The following WDFY4 variants were observed in gnomAD, a reference collection of about 807,000 sequenced individuals.
WDFY4 encodes the protein WDFY family member 4.
WDFY4 carries 169 observed loss-of-function variants against 351.9 expected under a neutral mutation model. The ratio of observed to expected loss-of-function variants is 0.48; its 90% confidence interval spans 0.42 to 0.55. The LOEUF (loss-of-function observed/expected upper bound fraction) is 0.55. WDFY4 is among the 20% of genes least tolerant of loss of function. WDFY4 has a pLI of 0.00. For synonymous variants in WDFY4, 1,622 were observed against 1,574.6 expected (o/e 1.03, Z -0.71); for missense variants, 3,803 against 3,935.6 (o/e 0.97, Z 0.90).
intron 5 of WDFY4, among the ~76,000 whole-genome samples, chr10:48,725,156 A>C (rs1180148709): frequency 1.3e-5 from 2 of 152,044 alleles, no homozygotes; most frequent in East Asian, 3.8e-4. Context: ...TGGGACCTAC[A>C]GCTGTGGTCC....
chr10:48,803,212 AC>A, intron 24 of WDFY4, 73 bp from the exon 25 acceptor site: 1 of 1,440,018 alleles, frequency 6.9e-7, no homozygotes, highest in African/African-American at 1.4e-5. Flanking sequence ...TCCAGCACTG[AC>A]CTTCTCATGC....
chr10:48,934,729 G>A (rs570695796), intron 47 of WDFY4, among the ~76,000 whole-genome samples: 68 of 152,308 alleles, frequency 4.5e-4, no homozygotes, highest in South Asian at 2.5e-3. Context: ...CCTCCTGAAC[G>A]AAGAAGCAGT....
intron 23 of WDFY4, among the ~76,000 whole-genome samples, chr10:48,793,002 G>A (rs554349360): frequency 1.3e-5 from 2 of 152,332 alleles, no homozygotes; most frequent in South Asian, 4.1e-4. Context: ...GTCAAAAAGG[G>A]TTTTGTTAAA....
intron 1 of WDFY4, among the ~76,000 whole-genome samples, chr10:48,685,863 G>GGACAGGGGTC (rs945177173): frequency 6.6e-6 from 1 of 151,986 alleles, no homozygotes; most frequent in African/African-American, 2.4e-5. Context: ...TGGTCAAAGC[G>GGACAGGGGTC]GACAGGGGTC....
chr10:48,790,901 A>C lies in WDFY4; in HGVS notation c.4241A>C (p.His1414Pro), dbSNP rs1320338079. Reference sequence around the variant, plus strand: ...GCCATGTGTGACTTCCTGATGCAACACATCTGTGGGTACCAGGTAATCCCA... The same window carrying C: ...GCCATGTGTGACTTCCTGATGCAACCCATCTGTGGGTACCAGGTAATCCCA... ...SNAMCDFLMQ[H>P]ICGYQIMAFL... is the part of the protein sequence containing the mutation. The change falls in exon 23 of 62, where the codon CAC becomes CCC. Residue 1414 changes from histidine (H) to proline (P), a missense_variant. Physicochemically the swap from His to Pro is moderately conservative, Grantham distance 77. Coordinates refer to ENST00000325239, the MANE Select transcript of WDFY4 (RefSeq NM_001394531.1). 3.2e-6 allele frequency: 5 copies of C among 1,551,692 alleles called. No individual in the cohort carries two copies. In the South Asian group the frequency reaches 5.9e-5, roughly 18 times the overall value.
intron 1 of WDFY4, among the ~76,000 whole-genome samples, chr10:48,706,944 A>G (rs1229435598): frequency 2.6e-5 from 4 of 152,220 alleles, no homozygotes; most frequent in African/African-American, 9.6e-5. Context: ...TGTGGAAAAT[A>G]TTCATGATGT....
intron 19 of WDFY4, among the ~76,000 whole-genome samples, chr10:48,781,452 A>T (rs1252997888): frequency 6.6e-6 from 1 of 152,038 alleles, no homozygotes; most frequent in South Asian, 2.1e-4. Flanking sequence ...GCCCACCACC[A>T]TGCCCACTAA....
intron 39 of WDFY4, among the ~76,000 whole-genome samples, chr10:48,861,806 C>A (rs1344613882): frequency 6.6e-6 from 1 of 152,028 alleles, no homozygotes; most frequent in Non-Finnish European, 1.5e-5. Context: ...TTTATCCATT[C>A]TTTTTGGGAT....
intron 1 of WDFY4, 83 bp from the exon 2 acceptor site, chr10:48,709,633 G>A (rs2063718437): frequency 1.6e-6 from 2 of 1,216,712 alleles, no homozygotes; most frequent in African/African-American, 1.5e-5. Context: ...ACTGGGCTGA[G>A]TGAGTACAGT....
chr10:48,810,707 C>A lies in WDFY4; in HGVS notation c.5016C>A (p.Arg1672=), dbSNP rs1399911311. ...DGLCAGSWVE[R]STEGVDIVMD... The stretch of plus-strand genomic sequence containing the variant: ...TGTGTGCAGGATCCTGGGTGGAACG[C>A]AGCACTGAGGGCGTGGATATTGTAA... Residue 1672 remains arginine, a synonymous_variant, in exon 29 of 62, where the codon CGC becomes CGA. Coordinates refer to ENST00000325239, the MANE Select transcript of WDFY4 (RefSeq NM_001394531.1). 1 of 1,547,304 alleles carries A rather than the reference C, an allele frequency of 6.5e-7. No homozygotes were observed. Among genetic ancestry groups the A allele is most frequent in the East Asian group, 2.4e-5 (1 of 40,888 alleles).
chr10:48,730,901 G>A (rs1424792953), intron 8 of WDFY4, among the ~76,000 whole-genome samples: 1 of 152,104 alleles, frequency 6.6e-6, no homozygotes, highest in African/African-American at 2.4e-5. Context: ...GTTCAGAGTG[G>A]CCACAGTTTG....
At chr10:48,980,029 C>T (rs1350565844) in intron 60 of WDFY4, 2 of 152,194 alleles carry the variant, frequency 1.3e-5, no homozygotes, top group African/African-American at 2.4e-5. Context: ...AGGAAACTTA[C>T]TTAAGGGGGT....
At chr10:48,971,840 G>A (rs929960300) in intron 57 of WDFY4, among the ~76,000 whole-genome samples, 10 of 152,164 alleles carry the variant, frequency 6.6e-5, no homozygotes, top group Non-Finnish European at 1.5e-4. Flanking sequence ...TTGTCAGTGG[G>A]CTGGGTATGA....
chr10:48,888,809 C>A lies in WDFY4; in HGVS notation c.7168-1770C>A, dbSNP rs2133360036. Among the ~76,000 whole-genome samples the A allele has an allele frequency of 2.0e-5, 3 of 152,316 alleles. No individual in the cohort carries two copies. The Middle Eastern group carries it at 0.01, about 518-fold the overall frequency. On this transcript the variant is annotated intron_variant, in intron 43 of 61. Transcript: ENST00000325239. The stretch of plus-strand genomic sequence containing the variant: ...TCAAGTTTCAGGGTCTATGTCCTCA[C>A]CAAGAATAATGTCCAAGAACAGAAT...
At chr10:48,931,582 G>T (rs12246580) in intron 47 of WDFY4, among the ~76,000 whole-genome samples, 5,539 of 152,330 alleles carry the variant, frequency 0.036, 219 homozygotes, top group African/African-American at 0.09. Flanking sequence ...CAGAGGTGAA[G>T]AACTGTGGGG....
chr10:48,943,374 C>T lies in WDFY4; in HGVS notation c.7674C>T (p.Thr2558=), dbSNP rs568941025. The T allele has an allele frequency of 1.2e-5, 19 of 1,551,774 alleles. No homozygotes were observed. The highest frequency in any genetic ancestry group is 3.3e-4 in the Middle Eastern group (2 of 5,992). Reference sequence around the variant, plus strand: ...TTGAGTATCTCATGTACCTCAACACCGCGGCTGGGAGAACCTGCAATGACT... The same window carrying T: ...TTGAGTATCTCATGTACCTCAACACTGCGGCTGGGAGAACCTGCAATGACT... ...SNFEYLMYLN[T]AAGRTCNDYM... is the part of the protein sequence containing the mutation. The change falls in exon 49 of 62, where the codon ACC becomes ACT. Residue 2558 remains threonine, a synonymous_variant. Transcript: ENST00000325239.
intron 40 of WDFY4, among the ~76,000 whole-genome samples, chr10:48,869,694 C>T (rs1042393540): frequency 4.6e-5 from 7 of 152,114 alleles, no homozygotes; most frequent in Admixed American, 6.6e-5. Context: ...TTAGGCCATC[C>T]AGTTCTTATG....
chr10:48,939,375 C>A lies in WDFY4; in HGVS notation c.7587-2431C>A, dbSNP rs1840624381. On this transcript the variant is annotated intron_variant, in intron 47 of 61. Coordinates refer to ENST00000325239, the MANE Select transcript of WDFY4 (RefSeq NM_001394531.1). ...CACACCCCTGTGTGACAGGTGTGGC[C>A]AGTGTGTTGCAAGGATGATATGGCA... is the stretch of plus-strand genomic sequence containing the variant. 2.0e-5 allele frequency among the ~76,000 whole-genome samples: 3 copies of A among 152,302 alleles called. No homozygotes were observed. In the South Asian group the frequency reaches 6.2e-4, roughly 32 times the overall value.
chr10:48,821,304 C>T (rs1264497777), intron 34 of WDFY4, 128 bp downstream of exon 34: 3 of 686,368 alleles, frequency 4.4e-6, no homozygotes, highest in Non-Finnish European at 7.5e-6. Context: ...TCAGTCCCTC[C>T]AGGCATCATC....
Sources: allele counts gnomAD v4.1 joint callset (sites outside exome capture counted in the v4.1 genomes callset), GRCh38; gene constraint gnomAD v4.1.1; transcripts MANE v1.5; gene names NCBI Gene and HGNC (gene_info 2026-07-23, HGNC 2026-07-21).